SLC22A16: variants seen among roughly 807,000 people sequenced by gnomAD.
The protein encoded by SLC22A16 is solute carrier family 22 member 16, also known as WUGSC:RG331P03.1.
SLC22A16 carries 53 observed loss-of-function variants against 52.9 expected under a neutral mutation model. The observed-to-expected ratio is 1.00, with a 90% CI of 0.80 to 1.26. The LOEUF is 1.26. Ranked by LOEUF, SLC22A16 falls within the 50% of genes most tolerant of loss-of-function variation. The pLI, the probability that SLC22A16 is intolerant of heterozygous loss-of-function variation, is 0.00. For missense variants in SLC22A16, 726 were observed against 704.0 expected, an observed-to-expected ratio of 1.03 and a Z score of -0.35; for synonymous variants, 291 against 268.8, an observed-to-expected ratio of 1.08 and a Z score of -0.81.
intron 5 of SLC22A16, among the ~76,000 whole-genome samples, chr6:110,436,550 CAGG>C (rs1774739317): frequency 6.6e-6 from 1 of 152,158 alleles, no homozygotes; most frequent in African/African-American, 2.4e-5. Flanking sequence ...CATTTAAGCC[CAGG>C]AGTTCAAGAT....
At chr6:110,436,246 G>C (rs1774724840) in intron 5 of SLC22A16, among the ~76,000 whole-genome samples, 1 of 152,156 alleles carries the variant, frequency 6.6e-6, no homozygotes, top group Non-Finnish European at 1.5e-5. Flanking sequence ...TTTGGAAGGA[G>C]ACACGCCCTG....
At chr6:110,430,262 T>C (rs963471083) in intron 7 of SLC22A16, among the ~76,000 whole-genome samples, 9 of 152,082 alleles carry the variant, frequency 5.9e-5, no homozygotes, top group African/African-American at 2.2e-4. Context: ...GCCACTGACC[T>C]ATCCTTAACC....
intron 2 of SLC22A16, chr6:110,453,651 G>A (rs1245635024): frequency 1.8e-5 from 8 of 456,240 alleles, no homozygotes; most frequent in Admixed American, 1.4e-4. Context: ...AGCACTGGAT[G>A]TGGGGAATCC....
At chr6:110,464,447 A>G (rs1305083098) in intron 1 of SLC22A16, among the ~76,000 whole-genome samples, 1 of 152,116 alleles carries the variant, frequency 6.6e-6, no homozygotes, top group African/African-American at 2.4e-5. Flanking sequence ...AAGCACAATC[A>G]GAAATGATAA....
Position 110,476,578 on chromosome 6 carries a change from G to A in SLC22A16, c.-4C>T, listed in dbSNP as rs778092291. On this transcript the variant is annotated 5_prime_UTR_variant, in exon 1 of 8. Coordinates refer to ENST00000368919, the MANE Select transcript of SLC22A16 (RefSeq NM_033125.4). ...CCTCGAAGTGGCGGGACCCCATGGT[G>A]CGGCCGTGCACTGGGCGCCGAGTTA... 6.5e-7 allele frequency: 1 copy of A among 1,537,396 alleles called. No individual in the cohort carries two copies. Among genetic ancestry groups the A allele is most frequent in the East Asian group, 2.5e-5 (1 of 39,316 alleles).
rs1404080360 is a variant in SLC22A16 at position 110,435,908 on chromosome 6, C to T, written c.1365G>A (p.Gly455=). ...VTAMVGKFAI[G]AAFGLIYLYT... ...AAAGATAAATGAGGCCAAATGCTGC[C>T]CCGATGGCAAATTTTCCAACCATAG... is the stretch of plus-strand genomic sequence containing the variant. Residue 455 remains glycine (G), a synonymous_variant, in exon 6 of 8, where the codon GGG becomes GGA. Transcript: ENST00000368919. 4 of 1,613,938 alleles carry T rather than the reference C, an allele frequency of 2.5e-6. No individual in the cohort carries two copies. Among genetic ancestry groups the T allele is most frequent in the Admixed American group, 1.7e-5 (1 of 59,996 alleles).
At chr6:110,444,382 C>T (rs1056515894) in intron 3 of SLC22A16, among the ~76,000 whole-genome samples, 2 of 152,152 alleles carry the variant, frequency 1.3e-5, no homozygotes, top group African/African-American at 4.8e-5. Flanking sequence ...GAGAGCACCA[C>T]TCCCCAAAGG....
At chr6:110,459,005 G>A (rs1024994742) in intron 1 of SLC22A16, among the ~76,000 whole-genome samples, 1 of 149,708 alleles carries the variant, frequency 6.7e-6, no homozygotes, top group South Asian at 2.1e-4. Context: ...GTGTGTGTAT[G>A]TGTGTGTGTG....
chr6:110,431,359 T>A, intron 6 of SLC22A16, 89 bp from the exon 7 acceptor site: 1 of 1,134,694 alleles, frequency 8.8e-7, no homozygotes, highest in Non-Finnish European at 1.3e-6. Context: ...TTTCCCACGC[T>A]CCCCAGCAAG....
intron 1 of SLC22A16, chr6:110,474,999 T>C (rs1227297557): frequency 3.9e-6 from 2 of 518,946 alleles, no homozygotes; most frequent in Non-Finnish European, 7.7e-6. Context: ...TCACTACTCC[T>C]ATTTGAAAAC....
chr6:110,433,362 A>G (rs2114901174), intron 6 of SLC22A16, among the ~76,000 whole-genome samples: 1 of 152,256 alleles, frequency 6.6e-6, no homozygotes, highest in African/African-American at 2.4e-5. Context: ...AAATGTACTT[A>G]CCCATCCTGG....
Position 110,470,764 on chromosome 6 carries a change from T to C in SLC22A16, c.53+5758A>G, listed in dbSNP as rs373323817. ...CTAGGATTTGTCTTTTCTGTCCCCC[T>C]CTTAGCAATCGTGATTCAGGAGGTC... is the stretch of plus-strand genomic sequence containing the variant. On this transcript the variant is annotated intron_variant, in intron 1 of 7. Transcript: ENST00000368919. Among the ~76,000 whole-genome samples the C allele has an allele frequency of 5.9e-5, 9 of 152,246 alleles. No homozygotes were observed. The East Asian group carries it at 1.5e-3, about 26-fold the overall frequency.
rs79150863 is a variant in SLC22A16, at chr6:110,468,101, A to G, written c.53+8421T>C. Among the ~76,000 whole-genome samples, 788 of 152,370 alleles carry G rather than the reference A, an allele frequency of 5.2e-3. 1 individual carries two copies. The highest frequency in any genetic ancestry group is 0.02 in the Middle Eastern group (6 of 294). On this transcript the variant is annotated intron_variant, in intron 1 of 7. Transcript: ENST00000368919. ...ATGTTGGCCACAGTTTCAAAACTGA[A>G]TTCTATCTATGGCATTGGCCCTTGT...
At position 110,425,214 on chromosome 6, in the gene SLC22A16, T is replaced by C. The variant is rs1360751554; in HGVS notation, c.1522-129A>G. The C allele has an allele frequency of 2.0e-6, 3 of 1,519,328 alleles. No homozygotes were observed. In the East Asian group the frequency reaches 7.4e-5, roughly 37 times the overall value. The allele number at this position is 1,519,328 out of a possible 1,614,324, so 94.1% of individuals were successfully genotyped here. A position where few individuals can be genotyped will look rare whatever the true frequency, so the allele number is the denominator to read the frequency against. On this transcript the variant is annotated intron_variant, in intron 7 of 7. Transcript: ENST00000368919. ...TTGACATAACAGTTGTCACTGTGAT[T>C]ACTCGGTGAGATCTTTGGTTACTTG...
chr6:110,468,667 GAGAAGA>G (rs147010194), intron 1 of SLC22A16, among the ~76,000 whole-genome samples: 3 of 148,844 alleles, frequency 2.0e-5, no homozygotes, highest in Non-Finnish European at 4.4e-5. Flanking sequence ...AAACAAAATG[GAGAAGA>G]AGAAGAAGAA....
chr6:110,454,698 AT>A (rs1269338788), intron 2 of SLC22A16, among the ~76,000 whole-genome samples: 40 of 76,128 alleles, frequency 5.3e-4, no homozygotes, highest in African/African-American at 9.2e-4. Context: ...TATTATATAT[AT>A]TTTTTGTATA....
intron 1 of SLC22A16, among the ~76,000 whole-genome samples, chr6:110,466,670 T>C (rs1051329423): frequency 6.6e-6 from 1 of 152,140 alleles, no homozygotes; most frequent in Admixed American, 6.5e-5. Context: ...TTATACACTG[T>C]TAGCAGGAAT....
At position 110,458,277 on chromosome 6, in the gene SLC22A16, T is replaced by A. The variant is rs552355207; in HGVS notation, c.54-1260A>T. 2.6e-4 allele frequency among the ~76,000 whole-genome samples: 39 copies of A among 152,266 alleles called. No homozygotes were observed. In the South Asian group the frequency reaches 7.7e-3, roughly 30 times the overall value. ...CACTCTTTACCCTGCCCCCATGTCT[T>A]GTATCCAATAAATAACAGTGCAGCC... On this transcript the variant is annotated intron_variant, in intron 1 of 7. Transcript: ENST00000368919.
intron 2 of SLC22A16, among the ~76,000 whole-genome samples, chr6:110,451,061 C>A (rs746140636): frequency 6.6e-6 from 1 of 152,134 alleles, no homozygotes; most frequent in Non-Finnish European, 1.5e-5. Context: ...CAGGACAATA[C>A]CACATGTATT....
Sources: allele counts gnomAD v4.1 joint callset (sites outside exome capture counted in the v4.1 genomes callset), GRCh38; gene constraint gnomAD v4.1.1; transcripts MANE v1.5; gene names NCBI Gene and HGNC (gene_info 2026-07-23, HGNC 2026-07-21).